NUP210: variants seen among roughly 807,000 people sequenced by gnomAD.
NUP210 encodes the protein nucleoporin 210, also known as nuclear pore membrane glycoprotein 210.
Under a neutral mutation model 196.0 loss-of-function variants are expected in NUP210, and 151 were observed. The observed-to-expected ratio is 0.77, with a 90% CI of 0.67 to 0.88. The LOEUF is 0.88. Among genes scored for constraint, NUP210 ranks in the 40% least tolerant of loss-of-function variants. The pLI is 0.00. For missense variants in NUP210, 2,314 were observed against 2,493.7 expected (o/e 0.93, Z 1.53); for synonymous variants, 1,070 against 1,052.7 (o/e 1.02, Z -0.32).
chr3:13,389,219 G>A (rs963230583), intron 4 of NUP210, among the ~76,000 whole-genome samples: 2 of 152,230 alleles, frequency 1.3e-5, no homozygotes, highest in African/African-American at 2.4e-5. Context: ...GCTCCAACCC[G>A]CCTTGGCATC....
chr3:13,345,047 T>C (rs1048407062), intron 20 of NUP210: 1 of 985,296 alleles, frequency 1.0e-6, no homozygotes, highest in Non-Finnish European at 1.2e-6. Flanking sequence ...TCCCTAGCAC[T>C]CACATGCCCT....
intron 25 of NUP210, among the ~76,000 whole-genome samples, chr3:13,339,003 C>A (rs1046008839): frequency 1.3e-5 from 2 of 152,164 alleles, no homozygotes; most frequent in African/African-American, 2.4e-5. Context: ...AGAAAAAAAA[C>A]CACAGAGTCT....
rs1697240075 is a variant in NUP210 at position 13,336,922 on chromosome 3, C to T, written c.3553-4G>A. 1.2e-6 allele frequency: 2 copies of T among 1,612,882 alleles called. No individual in the cohort carries two copies. Among genetic ancestry groups the T allele is most frequent in the Admixed American group, 1.7e-5 (1 of 59,958 alleles). Reference sequence around the variant, plus strand: ...TGCCGGTGACATAGATGGGCATCTGCAGGGGAGAAGTCAGGCCCAGTGAGC... The same window carrying T: ...TGCCGGTGACATAGATGGGCATCTGTAGGGGAGAAGTCAGGCCCAGTGAGC... On this transcript the variant is annotated splice_region_variant and splice_polypyrimidine_tract_variant and intron_variant, in intron 26 of 39. Transcript: ENST00000254508.
At chr3:13,343,327 AG>A in intron 20 of NUP210, 24 bp from the exon 21 acceptor site, 1 of 183,882 alleles carries the variant, frequency 5.4e-6, no homozygotes, top group Non-Finnish European at 1.1e-5. Context: ...GCGGAGGTGG[AG>A]GGGTGGGTGG....
intron 20 of NUP210, 120 bp downstream of exon 20, chr3:13,351,759 A>G: frequency 4.3e-6 from 3 of 700,202 alleles, no homozygotes; most frequent in Non-Finnish European, 7.4e-6. Context: ...TGACCTCCCA[A>G]AGTTCTGGGA....
Position 13,375,563 on chromosome 3 carries a change from G to T in NUP210, c.1372C>A (p.Pro458Thr). 1 of 1,614,138 alleles carries T rather than the reference G, an allele frequency of 6.2e-7. No individual in the cohort carries two copies. The highest frequency in any genetic ancestry group is 2.2e-5 in the East Asian group (1 of 44,892). Residue 458 changes from proline (P) to threonine (T), a missense_variant, in exon 11 of 40, where the codon CCC becomes ACC. Coordinates refer to ENST00000254508, the MANE Select transcript of NUP210 (RefSeq NM_024923.4). ...TGCCACGGAAATGTCAAGATGCTGG[G>T]ATACAGGGTGATCGGGATGTGAATT... ...VEIHIPITLY[P>T]SILTFPWQPK...
chr3:13,385,110 T>C (rs9837443), intron 6 of NUP210, among the ~76,000 whole-genome samples: 89,126 of 152,120 alleles, frequency 0.59, 27,368 homozygotes, highest in African/African-American at 0.78. Context: ...TCTTCAGTTT[T>C]TTTGTCCTCC....
chr3:13,367,547 T>C (rs907375791), intron 13 of NUP210, among the ~76,000 whole-genome samples: 4 of 152,218 alleles, frequency 2.6e-5, no homozygotes, highest in African/African-American at 9.6e-5. Context: ...GAATATTATC[T>C]GTACCCCCAG....
At chr3:13,320,540 G>T (rs1264950066) in intron 36 of NUP210, among the ~76,000 whole-genome samples, 2 of 151,642 alleles carry the variant, frequency 1.3e-5, no homozygotes, top group South Asian at 2.1e-4. Context: ...GGCAAGGGTG[G>T]GAGAATGGCA....
chr3:13,397,592 C>T, intron 2 of NUP210, 104 bp from the exon 3 acceptor site: 1 of 1,251,646 alleles, frequency 8.0e-7, no homozygotes, highest in Non-Finnish European at 1.1e-6. Flanking sequence ...ACGGCAACCA[C>T]CAGCTTCACC....
At chr3:13,370,767 G>C (rs566387963) in intron 13 of NUP210, among the ~76,000 whole-genome samples, 1 of 152,244 alleles carries the variant, frequency 6.6e-6, no homozygotes, top group Non-Finnish European at 1.5e-5. Context: ...AGCTCTGCAC[G>C]TAATTACAGC....
At position 13,379,958 on chromosome 3, in the gene NUP210, A is replaced by T. The variant is rs1258507009; in HGVS notation, c.818-237T>A. 1.7e-4 allele frequency among the ~76,000 whole-genome samples: 5 copies of T among 29,240 alleles called. No homozygotes were observed. In the East Asian group the frequency reaches 1.8e-3, roughly 10 times the overall value. 19.2% of individuals were successfully genotyped at this position (29,240 alleles called of 152,430 possible). On this transcript the variant is annotated intron_variant, in intron 6 of 39. Coordinates refer to ENST00000254508, the MANE Select transcript of NUP210 (RefSeq NM_024923.4). This position sits in a 1 kb window ranked among gnomAD's most constrained non-coding sequence, Gnocchi z 4.2. Reference sequence around the variant, plus strand: ...TCAGTTTTTCTGTGTAAGCTGTTTAAAAAAAAAATTAACCACAATCTATTT... The same window carrying T: ...TCAGTTTTTCTGTGTAAGCTGTTTATAAAAAAAATTAACCACAATCTATTT...
chr3:13,317,679 G>C lies in NUP210; in HGVS notation c.*2C>G. ...CCCATCCTCCGGGAACCTTCACGCG[G>C]CCTAGTGGGAGGCATAGGCTGGGCT... is the stretch of plus-strand genomic sequence containing the variant. On this transcript the variant is annotated 3_prime_UTR_variant, in exon 40 of 40. Transcript: ENST00000254508. The C allele has an allele frequency of 6.2e-7, 1 of 1,601,992 alleles. No individual in the cohort carries two copies. Among genetic ancestry groups the C allele is most frequent in the Non-Finnish European group, 8.5e-7 (1 of 1,173,562 alleles).
intron 1 of NUP210, among the ~76,000 whole-genome samples, chr3:13,400,405 T>C (rs1049231802): frequency 6.6e-6 from 1 of 152,010 alleles, no homozygotes; most frequent in African/African-American, 2.4e-5. Flanking sequence ...GCGGATATTA[T>C]AGCCACAGTG....
chr3:13,404,876 C>T (rs550044582), intron 1 of NUP210, among the ~76,000 whole-genome samples: 11 of 152,210 alleles, frequency 7.2e-5, no homozygotes, highest in Admixed American at 2.0e-4. Context: ...AGAATTACAT[C>T]TACATGGAGG....
Position 13,348,448 on chromosome 3 carries a change from G to A in NUP210, c.2835+3431C>T, listed in dbSNP as rs1483813554. 2.0e-6 allele frequency: 2 copies of A among 985,000 alleles called. No homozygotes were observed. Among genetic ancestry groups the A allele is most frequent in the Non-Finnish European group, 2.4e-6 (2 of 829,922 alleles). 61.0% of individuals were successfully genotyped at this position (985,000 alleles called of 1,614,324 possible). Reference sequence around the variant, plus strand: ...AATGAGAGTGTGCCTCGGTTTCACTGGCACTGTACACATTTTTCCCTAACT... The same window carrying A: ...AATGAGAGTGTGCCTCGGTTTCACTAGCACTGTACACATTTTTCCCTAACT... On this transcript the variant is annotated intron_variant, in intron 20 of 39. Coordinates refer to ENST00000254508, the MANE Select transcript of NUP210 (RefSeq NM_024923.4). The surrounding 1 kb of genome is among the most constrained non-coding windows in gnomAD (Gnocchi z 4.0).
chr3:13,352,670 C>T (rs1698020094), intron 18 of NUP210, among the ~76,000 whole-genome samples: 1 of 152,228 alleles, frequency 6.6e-6, no homozygotes, highest in Non-Finnish European at 1.5e-5. Flanking sequence ...ACAAAGGAGC[C>T]ACCCAGATCT....
rs993377942 is a variant in NUP210, at chr3:13,321,764, T to C, written c.4987A>G (p.Thr1663Ala). 6.2e-7 allele frequency: 1 copy of C among 1,613,282 alleles called. No individual in the cohort carries two copies. The highest frequency in any genetic ancestry group is 2.2e-5 in the East Asian group (1 of 44,880). The stretch of plus-strand genomic sequence containing the variant: ...AGGGAGGCACTGACCACCAGAGCTG[T>C]CTTCTTCATGCTCAGGTGCTTCCGC... ...KQRKHLSMKK[T>A]ALVVSASLSS... Residue 1663 changes from threonine (T) to alanine (A), a missense_variant, in exon 36 of 40, where the codon ACA becomes GCA. Transcript: ENST00000254508.
At chr3:13,324,248 C>A (rs1696653772) in intron 33 of NUP210, among the ~76,000 whole-genome samples, 1 of 152,080 alleles carries the variant, frequency 6.6e-6, no homozygotes, top group Non-Finnish European at 1.5e-5. Flanking sequence ...TCCTCCCTGT[C>A]CACCCTCAGA....
Sources: allele counts gnomAD v4.1 joint callset (sites outside exome capture counted in the v4.1 genomes callset), GRCh38; gene constraint gnomAD v4.1.1; non-coding constraint Gnocchi (gnomAD v3.1); transcripts MANE v1.5; gene names NCBI Gene and HGNC (gene_info 2026-07-23, HGNC 2026-07-21).